PAK5: variants seen among roughly 807,000 people sequenced by gnomAD.
PAK5 encodes serine/threonine-protein kinase PAK 5.
Under a neutral mutation model 65.9 loss-of-function variants are expected in PAK5, and 16 were observed. The observed-to-expected ratio is 0.24, with a 90% confidence interval of 0.16 to 0.37. The LOEUF is 0.37. Ranked by LOEUF, PAK5 falls within the 10% of genes least tolerant of loss-of-function variation. The pLI is 1.00. For synonymous variants in PAK5, 371 were observed against 354.9 expected (o/e 1.05, Z -0.51); for missense variants, 785 against 903.9 (o/e 0.87, Z 1.69).
At chr20:9,715,265 C>G (rs976734865) in intron 1 of PAK5, among the ~76,000 whole-genome samples, 1 of 152,110 alleles carries the variant, frequency 6.6e-6, no homozygotes, top group Non-Finnish European at 1.5e-5. Context: ...CAAAAGAAGA[C>G]ATTTATGCAG....
chr20:9,789,285 G>T (rs1421854078), intron 1 of PAK5, among the ~76,000 whole-genome samples: 1 of 152,088 alleles, frequency 6.6e-6, no homozygotes, highest in African/African-American at 2.4e-5. Context: ...TGTCATTCTT[G>T]TTTCATCTTA....
At chr20:9,764,223 C>A (rs1313389775) in intron 1 of PAK5, among the ~76,000 whole-genome samples, 1 of 152,108 alleles carries the variant, frequency 6.6e-6, no homozygotes, top group Non-Finnish European at 1.5e-5. Flanking sequence ...TAAAAGAGTA[C>A]AGCTGAGATT....
intron 1 of PAK5, among the ~76,000 whole-genome samples, chr20:9,721,057 T>TA (rs2048207141): frequency 6.6e-6 from 1 of 152,182 alleles, no homozygotes; most frequent in African/African-American, 2.4e-5. Flanking sequence ...TTGAATGTAC[T>TA]AAATGTCACT....
rs567058497 is a variant in PAK5, at chr20:9,795,397, T to C, written c.-162+43365A>G. On this transcript the variant is annotated intron_variant, in intron 1 of 9. Transcript: ENST00000353224. ...GTAAATATTTAAATGTCTTTAAAAA[T>C]AACTTTTGTAATTTCAAAGTTATGT... Among the ~76,000 whole-genome samples, 4 of 152,244 alleles carry C rather than the reference T, an allele frequency of 2.6e-5. 1 individual carries two copies. The highest frequency in any genetic ancestry group is 9.6e-5 in the African/African-American group (4 of 41,566).
chr20:9,590,035 T>G (rs1242497323), intron 3 of PAK5, among the ~76,000 whole-genome samples: 1 of 152,284 alleles, frequency 6.6e-6, no homozygotes, highest in East Asian at 1.9e-4. Flanking sequence ...TCTTCCAGGC[T>G]GGAGTATAGT....
chr20:9,585,292 C>G (rs2046049579), intron 3 of PAK5, among the ~76,000 whole-genome samples: 1 of 152,126 alleles, frequency 6.6e-6, no homozygotes, highest in Admixed American at 6.5e-5. Flanking sequence ...TCTAGGTCAC[C>G]TCTTCTTTTT....
intron 2 of PAK5, among the ~76,000 whole-genome samples, chr20:9,704,060 TC>T (rs1401890101): frequency 6.6e-6 from 1 of 152,118 alleles, no homozygotes; most frequent in African/African-American, 2.4e-5. Context: ...AAGTTTAAGG[TC>T]CTCAAGCTCA....
chr20:9,557,822 GA>G (rs2045531666), intron 6 of PAK5, 88 bp from the exon 7 acceptor site: 2 of 1,057,722 alleles, frequency 1.9e-6, no homozygotes, highest in Non-Finnish European at 2.8e-6. Context: ...GTGCTTTAGT[GA>G]AACAGTCCAC....
chr20:9,540,618 C>T (rs902569346), intron 9 of PAK5, among the ~76,000 whole-genome samples: 2 of 152,178 alleles, frequency 1.3e-5, no homozygotes, highest in African/African-American at 2.4e-5. Context: ...GAAACAACCT[C>T]GGACTGGTTT....
chr20:9,742,786 TA>T (rs1450380785), intron 1 of PAK5, among the ~76,000 whole-genome samples: 1 of 152,190 alleles, frequency 6.6e-6, no homozygotes, highest in African/African-American at 2.4e-5. Context: ...CAAACATGCC[TA>T]AAACATAATT....
At chr20:9,587,909 ACTAT>A (rs571079803) in intron 3 of PAK5, among the ~76,000 whole-genome samples, 46 of 152,232 alleles carry the variant, frequency 3.0e-4, no homozygotes, top group Non-Finnish European at 4.0e-4. Flanking sequence ...CATTTTATTA[ACTAT>A]CTATAATATA....
chr20:9,592,233 G>A (rs1392698973), intron 3 of PAK5, among the ~76,000 whole-genome samples: 11 of 152,176 alleles, frequency 7.2e-5, no homozygotes, highest in Non-Finnish European at 1.6e-4. Context: ...AAAATTACCT[G>A]TTGGGTACAA....
chr20:9,801,471 T>TTG (rs2123736250), intron 1 of PAK5, among the ~76,000 whole-genome samples: 1 of 151,098 alleles, frequency 6.6e-6, no homozygotes, highest in East Asian at 1.9e-4. Context: ...ACTGTGAGAC[T>TTG]TGTATATATA....
chr20:9,669,230 G>T (rs75893567), intron 2 of PAK5, among the ~76,000 whole-genome samples: 1 of 152,208 alleles, frequency 6.6e-6, no homozygotes, highest in Admixed American at 6.5e-5. Flanking sequence ...CTAGTAAAAA[G>T]TGTATTTAGG....
In PAK5 at chr20:9,752,415, C is replaced by T. The variant is rs190283787; in HGVS notation, c.-161-40980G>A. On this transcript the variant is annotated intron_variant, in intron 1 of 9. Transcript: ENST00000353224. ...ATCATCATGCCTGCTGTGTGAAGAACGGATTAGGGATGGCCAAGAGTGGAA... is the reference window on the plus strand; with the variant it reads ...ATCATCATGCCTGCTGTGTGAAGAATGGATTAGGGATGGCCAAGAGTGGAA... Among the ~76,000 whole-genome samples the T allele has an allele frequency of 1.6e-3, 244 of 152,046 alleles. 1 individual carries two copies. Among genetic ancestry groups the T allele is most frequent in the South Asian group, 2.7e-3 (13 of 4,810 alleles).
chr20:9,797,853 T>A (rs2033739563), intron 1 of PAK5, among the ~76,000 whole-genome samples: 1 of 151,980 alleles, frequency 6.6e-6, no homozygotes, highest in South Asian at 2.1e-4. Context: ...GATCTCAGCA[T>A]AAAGGTTTGT....
Position 9,667,355 on chromosome 20 carries a change from G to GTTC in PAK5, c.-11-23017_-11-23016insGAA, listed in dbSNP as rs1555910876. 9.3e-4 allele frequency among the ~76,000 whole-genome samples: 94 copies of GTTC among 101,310 alleles called. 10 individuals carry two copies. The highest frequency in any genetic ancestry group is 3.8e-3 in the East Asian group (7 of 1,862). 66.5% of individuals were successfully genotyped at this position (101,310 alleles called of 152,430 possible). A position where few individuals can be genotyped will look rare whatever the true frequency, so the allele number is the denominator to read the frequency against. On this transcript the variant is annotated intron_variant, in intron 2 of 9. Coordinates refer to ENST00000353224, the MANE Select transcript of PAK5 (RefSeq NM_177990.4). ...AGTGACTGTGGCAGAGTTATGCTTT[G>GTTC]CCAGTCTGTGTTCAGGCCCTAAGAG...
chr20:9,741,499 C>G (rs549062782), intron 1 of PAK5, among the ~76,000 whole-genome samples: 2 of 152,054 alleles, frequency 1.3e-5, no homozygotes, highest in Admixed American at 1.3e-4. Context: ...ATTAAGCTTT[C>G]GGAGGAATGA....
At chr20:9,612,299 T>G (rs2046577804) in intron 3 of PAK5, among the ~76,000 whole-genome samples, 1 of 152,212 alleles carries the variant, frequency 6.6e-6, no homozygotes, top group Admixed American at 6.5e-5. Flanking sequence ...GGAGAACATA[T>G]TTCTCAGTGT....
Sources: gnomAD v4.1 joint callset for allele counts (sites outside exome capture counted in the v4.1 genomes callset) on GRCh38, gnomAD v4.1.1 for gene constraint, MANE v1.5 for transcripts, NCBI Gene and HGNC (gene_info 2026-07-23, HGNC 2026-07-21) for gene names.